The following PCDH15 variants were observed in gnomAD, a reference collection of about 807,000 sequenced individuals.
PCDH15 encodes the protein protocadherin related 15.
PCDH15 carries 129 observed loss-of-function variants against 178.5 expected under a neutral mutation model. That is an observed-to-expected ratio of 0.72 (90% CI 0.63 to 0.84). The LOEUF (loss-of-function observed/expected upper bound fraction) is 0.84. Ranked by LOEUF, PCDH15 falls within the 40% of genes least tolerant of loss-of-function variation. PCDH15 has a pLI of 0.00. For synonymous variants in PCDH15, 800 were observed against 732.0 expected, an observed-to-expected ratio of 1.09 and a Z score of -1.50; for missense variants, 2,230 against 2,099.9, an observed-to-expected ratio of 1.06 and a Z score of -1.21.
intron 2 of PCDH15, among the ~76,000 whole-genome samples, chr10:55,005,048 G>C (rs756562820): frequency 2.0e-5 from 3 of 151,900 alleles, no homozygotes; most frequent in Non-Finnish European, 4.4e-5. Flanking sequence ...GAATAAGATA[G>C]TGTTGAAACC....
chr10:54,873,476 A>ATATATATATAATATATATACGTGTATG (rs1346506751), intron 3 of PCDH15, among the ~76,000 whole-genome samples: 3 of 148,812 alleles, frequency 2.0e-5, no homozygotes, highest in Non-Finnish European at 3.0e-5. Context: ...GCTGTATTTT[A>ATATATATATAATATATATACGTGTATG]TATATATATA....
At chr10:55,543,715 T>C (rs763026084) in intron 2 of PCDH15, among the ~76,000 whole-genome samples, 6 of 151,572 alleles carry the variant, frequency 4.0e-5, no homozygotes, top group Non-Finnish European at 8.9e-5. Flanking sequence ...TGATTCCATA[T>C]ACTTCCCCAA....
intron 1 of PCDH15, among the ~76,000 whole-genome samples, chr10:54,697,693 A>AAGGG (rs1212509695): frequency 1.4e-4 from 13 of 92,272 alleles, no homozygotes; most frequent in East Asian, 3.0e-4. Context: ...GGAAGGGAGG[A>AAGGG]AGGGAGGAAG....
At chr10:54,053,190 G>T (rs1045065057) in intron 18 of PCDH15, among the ~76,000 whole-genome samples, 1 of 152,096 alleles carries the variant, frequency 6.6e-6, no homozygotes, top group African/African-American at 2.4e-5. Context: ...TTATTTATTT[G>T]TCAAGAGAAC....
At chr10:54,822,984 A>C (rs7898935) in intron 3 of PCDH15, among the ~76,000 whole-genome samples, 150,860 of 152,108 alleles carry the variant, frequency 0.99, 74,824 homozygotes, top group Middle Eastern at 1. Context: ...AGGATTCAAG[A>C]AATACTCCTG....
At chr10:54,918,887 C>G (rs1286478047) in intron 2 of PCDH15, among the ~76,000 whole-genome samples, 3 of 152,006 alleles carry the variant, frequency 2.0e-5, no homozygotes, top group Non-Finnish European at 2.9e-5. Flanking sequence ...GCTGAATACA[C>G]CAAACATCAT....
At chr10:54,852,447 G>A in intron 3 of PCDH15, among the ~76,000 whole-genome samples, 1 of 151,964 alleles carries the variant, frequency 6.6e-6, no homozygotes, top group East Asian at 1.9e-4. Context: ...ATTAGGCCAG[G>A]GTACACACTG....
intron 1 of PCDH15, among the ~76,000 whole-genome samples, chr10:55,266,179 T>C (rs1842289290): frequency 6.6e-6 from 1 of 151,314 alleles, no homozygotes; most frequent in African/African-American, 2.4e-5. Flanking sequence ...GTTTAACTCA[T>C]GCATACTTAA....
In PCDH15 at chr10:54,233,796, A is replaced by G. The variant is rs183085728; in HGVS notation, c.985+3027T>C. Among the ~76,000 whole-genome samples, 4 of 152,298 alleles carry G rather than the reference A, an allele frequency of 2.6e-5. No individual in the cohort carries two copies. The East Asian group carries it at 7.7e-4, about 29-fold the overall frequency. On this transcript the variant is annotated intron_variant, in intron 9 of 37. Transcript: ENST00000644397. ...CTTTTTAGAATCCCAGAAATATGTTAAACTTTTTAAAACTCCCTATGAACA... is the reference window on the plus strand; with the variant it reads ...CTTTTTAGAATCCCAGAAATATGTTGAACTTTTTAAAACTCCCTATGAACA...
intron 3 of PCDH15, 121 bp from the exon 4 acceptor site, chr10:54,379,063 T>C: frequency 2.0e-6 from 2 of 1,007,768 alleles, no homozygotes; most frequent in South Asian, 1.3e-5. Context: ...TACTCAACTG[T>C]ATATCTAGCA....
chr10:54,085,698 G>A (rs2094504575), intron 16 of PCDH15, among the ~76,000 whole-genome samples: 1 of 152,002 alleles, frequency 6.6e-6, no homozygotes. Flanking sequence ...TTTCTTTAAA[G>A]ACCCAGTTTC....
At chr10:54,975,450 T>G (rs370676861) in intron 2 of PCDH15, among the ~76,000 whole-genome samples, 35 of 152,302 alleles carry the variant, frequency 2.3e-4, no homozygotes, top group African/African-American at 7.5e-4. Context: ...TGTTAGTGTT[T>G]TGCGGAACCG....
chr10:55,080,856 C>A (rs1192623224), intron 2 of PCDH15, among the ~76,000 whole-genome samples: 1 of 152,228 alleles, frequency 6.6e-6, no homozygotes, highest in South Asian at 2.1e-4. Flanking sequence ...GGTTGCTGCT[C>A]CCAGCCCCAG....
At chr10:54,021,049 A>G (rs1292076976) in intron 19 of PCDH15, among the ~76,000 whole-genome samples, 1 of 152,046 alleles carries the variant, frequency 6.6e-6, no homozygotes, top group Non-Finnish European at 1.5e-5. Flanking sequence ...ATCCAGACAC[A>G]ATTACTGCCC....
intron 1 of PCDH15, among the ~76,000 whole-genome samples, chr10:55,314,984 G>A (rs918345927): frequency 4.6e-5 from 7 of 151,972 alleles, no homozygotes; most frequent in Admixed American, 6.6e-5. Context: ...ATAATGATAC[G>A]TGTTTGTAAT....
chr10:54,536,309 A>G (rs2084513405), intron 2 of PCDH15, among the ~76,000 whole-genome samples: 1 of 152,154 alleles, frequency 6.6e-6, no homozygotes, highest in Admixed American at 6.5e-5. Flanking sequence ...TGTTATTGTG[A>G]GGTAAATTTT....
chr10:54,529,365 C>T (rs1356419540), intron 2 of PCDH15, among the ~76,000 whole-genome samples: 1 of 152,054 alleles, frequency 6.6e-6, no homozygotes, highest in Admixed American at 6.6e-5. Flanking sequence ...ATTTAGTTTC[C>T]TCGCTGATCT....
At chr10:55,517,619 A>C (rs753414062) in intron 2 of PCDH15, among the ~76,000 whole-genome samples, 2 of 152,164 alleles carry the variant, frequency 1.3e-5, no homozygotes, top group Non-Finnish European at 2.9e-5. Flanking sequence ...ACATGCAACT[A>C]TCATGCGTTC....
intron 26 of PCDH15, among the ~76,000 whole-genome samples, chr10:53,882,451 G>A (rs1256901714): frequency 1.3e-5 from 2 of 152,034 alleles, no homozygotes; most frequent in Non-Finnish European, 2.9e-5. Flanking sequence ...CCTGGTGTTG[G>A]GTCTGATCAC....
Sources: gnomAD v4.1 joint callset for allele counts (sites outside exome capture counted in the v4.1 genomes callset) on GRCh38, gnomAD v4.1.1 for gene constraint, MANE v1.5 for transcripts, NCBI Gene and HGNC (gene_info 2026-07-23, HGNC 2026-07-21) for gene names.